Variants in DEFB121 observed in about 807,000 individuals in gnomAD.
The protein encoded by DEFB121 is defensin beta 121, also known as beta-defensin 121.
DEFB121 carries 5 observed loss-of-function variants against 2.5 expected under a neutral mutation model. The ratio of observed to expected loss-of-function variants is 1.96; its 90% CI spans 1.03 to 4.13. The LOEUF is 4.13. DEFB121 is among the 30% of genes most tolerant of loss of function. The pLI, the probability that DEFB121 is intolerant of heterozygous loss-of-function variation, is 0.00. For missense variants in DEFB121, 87 were observed against 85.0 expected (o/e 1.02, Z -0.09); for synonymous variants, 39 against 32.6 (o/e 1.20, Z -0.67).
upstream of DEFB121, among the ~76,000 whole-genome samples, chr20:31,410,035 T>C (rs1236245796): frequency 6.6e-6 from 1 of 152,140 alleles, no homozygotes; most frequent in Non-Finnish European, 1.5e-5. Context: ...TTATATAAAT[T>C]ATACCTCAAA....
upstream of DEFB121, among the ~76,000 whole-genome samples, chr20:31,416,218 G>A (rs553119553): frequency 1.2e-4 from 19 of 152,090 alleles, no homozygotes; most frequent in Non-Finnish European, 2.2e-4. Context: ...GCGCCACCAC[G>A]CCCAGTTAAT....
At chr20:31,417,864 G>T in the DEFB121 span, among the ~76,000 whole-genome samples, 2 of 152,250 alleles carry the variant, frequency 1.3e-5, no homozygotes, top group South Asian at 4.1e-4. Flanking sequence ...TCAGGAGGTT[G>T]AGGCAGGAGA....
chr20:31,407,875 T>C (rs1222008384), upstream of DEFB121, among the ~76,000 whole-genome samples: 1 of 152,126 alleles, frequency 6.6e-6, no homozygotes, highest in Admixed American at 6.5e-5. Flanking sequence ...CCCCCCGGGT[T>C]CAAGCAGTTC....
At chr20:31,414,926 T>C (rs1191926305), upstream of DEFB121, among the ~76,000 whole-genome samples, 1 of 152,110 alleles carries the variant, frequency 6.6e-6, no homozygotes, top group East Asian at 1.9e-4. Context: ...GGCATGCACC[T>C]ATAGTCCCAG....
At chr20:31,409,807 A>G (rs559624139), upstream of DEFB121, among the ~76,000 whole-genome samples, 2 of 152,332 alleles carry the variant, frequency 1.3e-5, no homozygotes, top group East Asian at 3.9e-4. Context: ...CTGAGTGGAA[A>G]AATCCAGACC....
Position 31,404,974 on chromosome 20 carries a change from A to C in DEFB121, c.170T>G (p.Val57Gly). The part of the protein sequence containing the change: ...EAKCCVDPKY[V>G]PVKPKLTDTN... ...GTCTGTTAATTTTGGTTTTACAGGT[A>C]CATACTTGGGATCCACACAGCACTT... The change falls in exon 2 of 2, where the codon GTA becomes GGA. Residue 57 changes from valine to glycine, a missense_variant. Physicochemically the swap from Val to Gly is moderately radical, Grantham distance 109. Transcript: ENST00000376314. The C allele has an allele frequency of 1.9e-6, 3 of 1,614,050 alleles. No individual in the cohort carries two copies. Among genetic ancestry groups the C allele is most frequent in the Non-Finnish European group, 2.5e-6 (3 of 1,180,012 alleles).
At position 31,405,070 on chromosome 20, in the gene DEFB121, C is replaced by T. The variant is rs201060926; in HGVS notation, c.74G>A (p.Gly25Asp). The change falls in exon 2 of 2, where the codon GGC becomes GAC. Residue 25 changes from glycine to aspartate, a missense_variant. By Grantham distance (94) the Gly-to-Asp change is moderately conservative. Coordinates refer to ENST00000376314, the MANE Select transcript of DEFB121 (RefSeq NM_001011878.3). ...AQVTPVMKCW[G>D]KSGRCRTTCK... ...TGTTGTTCTGCACCTGCCTGACTTG[C>T]CCCAACATTTCATGACTGAAAACAA... 1.4e-5 allele frequency: 23 copies of T among 1,595,692 alleles called. No homozygotes were observed. Among genetic ancestry groups the T allele is most frequent in the Admixed American group, 1.9e-5 (1 of 53,856 alleles).
intron 1 of DEFB121, chr20:31,412,540 T>C: frequency 9.5e-7 from 1 of 1,057,430 alleles, no homozygotes; most frequent in Non-Finnish European, 1.3e-6. Flanking sequence ...AGGTGATGCT[T>C]GTAAAGCTCA....
upstream of DEFB121, among the ~76,000 whole-genome samples, chr20:31,407,579 G>A (rs910405234): frequency 2.0e-5 from 3 of 152,170 alleles, no homozygotes; most frequent in African/African-American, 4.8e-5. Context: ...CAGATCTACA[G>A]TGAGAAACAG....
upstream of DEFB121, among the ~76,000 whole-genome samples, chr20:31,409,225 C>T (rs1978587751): frequency 1.3e-5 from 2 of 152,144 alleles, no homozygotes; most frequent in South Asian, 2.1e-4. Flanking sequence ...TAAACATAAA[C>T]TTATCATACA....
upstream of DEFB121, among the ~76,000 whole-genome samples, chr20:31,414,712 G>A (rs1978755938): frequency 6.6e-6 from 1 of 152,124 alleles, no homozygotes; most frequent in Admixed American, 6.6e-5. Flanking sequence ...AGGGAAATTA[G>A]GAATTACTAA....
chr20:31,414,909 G>C (rs1158342171), upstream of DEFB121, among the ~76,000 whole-genome samples: 1 of 152,068 alleles, frequency 6.6e-6, no homozygotes, highest in Non-Finnish European at 1.5e-5. Flanking sequence ...AATTAGCTGG[G>C]CATGGTGGCA....
At chr20:31,412,511 T>C in intron 1 of DEFB121, 2 of 700,720 alleles carry the variant, frequency 2.9e-6, no homozygotes, top group South Asian at 1.6e-5. Context: ...CAGCAGAGGT[T>C]TGCTGTGAAG....
chr20:31,405,113 G>A (rs774607207), intron 1 of DEFB121, 28 bp from the exon 2 acceptor site: 1 of 1,577,260 alleles, frequency 6.3e-7, no homozygotes, highest in East Asian at 2.3e-5. Flanking sequence ...GAAGAGAATA[G>A]AGTCAGTTTT....
At chr20:31,415,076 A>T (rs550181841), upstream of DEFB121, among the ~76,000 whole-genome samples, 283 of 152,238 alleles carry the variant, frequency 1.9e-3, 2 homozygotes, top group African/African-American at 6.4e-3. Flanking sequence ...CAAAAAATTT[A>T]AAAAAATGTT....
At chr20:31,406,436 G>A (rs1978484849), upstream of DEFB121, among the ~76,000 whole-genome samples, 1 of 152,054 alleles carries the variant, frequency 6.6e-6, no homozygotes, top group Admixed American at 6.5e-5. Context: ...GAACCAAGAA[G>A]GGGAAAAATA....
In DEFB121 at chr20:31,404,849, C is replaced by G; in HGVS notation, c.*64G>C. The G allele has an allele frequency of 1.3e-6, 2 of 1,576,436 alleles. No individual in the cohort carries two copies. Among genetic ancestry groups the G allele is most frequent in the South Asian group, 2.3e-5 (2 of 86,292 alleles). On this transcript the variant is annotated 3_prime_UTR_variant, in exon 2 of 2. Coordinates refer to ENST00000376314, the MANE Select transcript of DEFB121 (RefSeq NM_001011878.3). ...CTATCAGACAGAAACAGGGTGTTGC[C>G]AAGAATGATTTAATAGAACTGCAGG...
rs151282382 is a variant in DEFB121 at position 31,411,934 on chromosome 20, C to G, written n.217+688G>C. ...GGCTTAGTAGAAGATAGGGTGGTATCTGAAATTCAGAAAACTCAGAACCTG... is the reference window on the plus strand; with the variant it reads ...GGCTTAGTAGAAGATAGGGTGGTATGTGAAATTCAGAAAACTCAGAACCTG... On this transcript the variant is annotated intron_variant and non_coding_transcript_variant, in intron 1 of 1. Transcript: ENST00000376312. Among the ~76,000 whole-genome samples the G allele has an allele frequency of 3.3e-5, 5 of 152,328 alleles. No homozygotes were observed. In the East Asian group the frequency reaches 9.6e-4, roughly 29 times the overall value.
chr20:31,406,184 CT>C lies in DEFB121; in HGVS notation c.-33del. 6.2e-7 allele frequency: 1 copy of C among 1,613,400 alleles called. No individual in the cohort carries two copies. The highest frequency in any genetic ancestry group is 2.2e-5 in the East Asian group (1 of 44,876). Reference sequence around the variant, plus strand: ...TGAATGATCAGGGAGGGATAGGAGGCTTCTCAACTGGTAAAACAGACAGAGG... The same window carrying C: ...TGAATGATCAGGGAGGGATAGGAGGCTCTCAACTGGTAAAACAGACAGAGG... On this transcript the variant is annotated 5_prime_UTR_variant, in exon 1 of 2. Coordinates refer to ENST00000376314, the MANE Select transcript of DEFB121 (RefSeq NM_001011878.3).
Sources: gnomAD v4.1 joint callset for allele counts (sites outside exome capture counted in the v4.1 genomes callset) on GRCh38, gnomAD v4.1.1 for gene constraint, MANE v1.5 for transcripts, NCBI Gene and HGNC (gene_info 2026-07-23, HGNC 2026-07-21) for gene names.